The following DENND2B variants were observed in gnomAD, a reference collection of about 807,000 sequenced individuals.
The protein encoded by DENND2B is DENN domain containing 2B.
In DENND2B, 32 loss-of-function variants were observed where a neutral mutation model predicts 116.0. The ratio of observed to expected loss-of-function variants is 0.28; its 90% CI spans 0.21 to 0.37. The LOEUF (loss-of-function observed/expected upper bound fraction) is 0.37. DENND2B is among the 10% of genes least tolerant of loss of function. The pLI is 1.00. For synonymous variants in DENND2B, 588 were observed against 583.9 expected, an observed-to-expected ratio of 1.01 and a Z score of -0.10; for missense variants, 1,276 against 1,477.7, an observed-to-expected ratio of 0.86 and a Z score of 2.24.
In DENND2B at chr11:8,807,234, G is replaced by A. The variant is rs983703036; in HGVS notation, c.-26+3283C>T. ...CAATGACAGTTAACAGCTAAGAGGA[G>A]TGACAGGAAGGAAGATGTATTCTTC... On this transcript the variant is annotated intron_variant, in intron 1 of 19. Coordinates refer to ENST00000313726, the MANE Select transcript of DENND2B (RefSeq NM_213618.2). 2.0e-5 allele frequency among the ~76,000 whole-genome samples: 3 copies of A among 152,222 alleles called. No homozygotes were observed. In the East Asian group the frequency reaches 5.8e-4, roughly 29 times the overall value.
intron 2 of DENND2B, among the ~76,000 whole-genome samples, chr11:8,877,162 G>A (rs541718377): frequency 7.3e-6 from 1 of 137,498 alleles, no homozygotes; most frequent in South Asian, 2.3e-4. Flanking sequence ...GGAGTGCAGT[G>A]GTGCGATCTC....
chr11:8,698,663 G>A (rs557556132), intron 16 of DENND2B, among the ~76,000 whole-genome samples: 37 of 152,318 alleles, frequency 2.4e-4, no homozygotes, highest in African/African-American at 8.4e-4. Flanking sequence ...TGGCTCAAAG[G>A]GGGCAAAGTC....
chr11:8,813,982 AG>A (rs2061482927), upstream of DENND2B, among the ~76,000 whole-genome samples: 3 of 152,190 alleles, frequency 2.0e-5, no homozygotes, highest in Non-Finnish European at 2.9e-5. Flanking sequence ...CTGAAGGATA[AG>A]GATTTGACAA....
intron 2 of DENND2B, among the ~76,000 whole-genome samples, chr11:8,737,504 T>C (rs2133966679): frequency 6.6e-6 from 1 of 151,678 alleles, no homozygotes; most frequent in South Asian, 2.1e-4. Context: ...GGTAGAGAGG[T>C]AGGAAGGGAA....
In DENND2B at chr11:8,702,425, C is replaced by T. The variant is rs2041871512; in HGVS notation, c.2720+147G>A. ...TCCCTCACCCACACAGGGGTGCTAC[C>T]TTTCCACCTAGTCTTCCATCTCCCT... On this transcript the variant is annotated intron_variant, in intron 14 of 19. Transcript: ENST00000313726. This position sits in a 1 kb window ranked among gnomAD's most constrained non-coding sequence, Gnocchi z 4.6. 4 of 1,203,594 alleles carry T rather than the reference C, an allele frequency of 3.3e-6. No homozygotes were observed. Among genetic ancestry groups the T allele is most frequent in the Non-Finnish European group, 3.5e-6 (3 of 869,460 alleles). 74.6% of individuals were successfully genotyped at this position (1,203,594 alleles called of 1,614,324 possible).
chr11:8,776,224 C>G, intron 1 of DENND2B: 1 of 455,796 alleles, frequency 2.2e-6, no homozygotes, highest in Non-Finnish European at 4.4e-6. Flanking sequence ...CTGCTCCAAA[C>G]ATGTCCACGT....
chr11:8,895,770 A>G (rs745411428), intron 1 of DENND2B, among the ~76,000 whole-genome samples: 3 of 152,020 alleles, frequency 2.0e-5, no homozygotes, highest in Admixed American at 6.6e-5. Context: ...TTTATTTTTT[A>G]TTTTTATTTT....
chr11:8,714,666 C>T lies in DENND2B; in HGVS notation c.1886G>A (p.Gly629Glu). The change falls in exon 7 of 20, where the codon GGA (glycine) becomes GAA (glutamate). Residue 629 changes from glycine (G) to glutamate (E), a missense_variant. Physicochemically the swap from Gly to Glu is moderately conservative, Grantham distance 98. Transcript: ENST00000313726. ...RINSIYNAKR[G>E]KKRLKKLSMS... ...AGACAACTTTTTTAATCTCTTCTTT[C>T]CTCTCTTGGCATTGTAGATGGAGTT... 6.2e-7 allele frequency: 1 copy of T among 1,614,220 alleles called. No individual in the cohort carries two copies. Among genetic ancestry groups the T allele is most frequent in the South Asian group, 1.1e-5 (1 of 91,078 alleles).
intron 1 of DENND2B, among the ~76,000 whole-genome samples, chr11:8,778,775 T>C (rs2058031975): frequency 6.6e-6 from 1 of 152,198 alleles, no homozygotes; most frequent in Non-Finnish European, 1.5e-5. Context: ...GAACACCTGA[T>C]TCTGTCACCT....
chr11:8,843,386 A>T (rs1249793073), intron 3 of DENND2B, among the ~76,000 whole-genome samples: 1 of 152,190 alleles, frequency 6.6e-6, no homozygotes, highest in Non-Finnish European at 1.5e-5. Flanking sequence ...TGCAGCACTA[A>T]GCCCAATCAG....
intron 2 of DENND2B, among the ~76,000 whole-genome samples, chr11:8,748,274 G>C (rs2051667018): frequency 6.6e-6 from 1 of 152,126 alleles, no homozygotes; most frequent in East Asian, 1.9e-4. Flanking sequence ...CCTATTGAAA[G>C]GTCAAACTAA....
At position 8,707,754 on chromosome 11, in the gene DENND2B, G is replaced by A. The variant is rs868401485; in HGVS notation, c.2430+23C>T. ...GAGCTGTCAGCTGGGGGACGGGGAG[G>A]GAAGCCTGCCAGAGCCTCTTACCTT... is the stretch of plus-strand genomic sequence containing the variant. On this transcript the variant is annotated intron_variant, in intron 12 of 19. Transcript: ENST00000313726. The surrounding 1 kb of genome is among the most constrained non-coding windows in gnomAD (Gnocchi z 4.8). 1 of 1,592,218 alleles carries A rather than the reference G, an allele frequency of 6.3e-7. No individual in the cohort carries two copies. The highest frequency in any genetic ancestry group is 1.3e-5 in the African/African-American group (1 of 74,844).
chr11:8,755,703 G>T (rs2053490040), intron 1 of DENND2B, among the ~76,000 whole-genome samples: 1 of 152,112 alleles, frequency 6.6e-6, no homozygotes, highest in Admixed American at 6.5e-5. Context: ...GCCCAGGCTG[G>T]TCTCGAACTG....
chr11:8,744,152 G>T (rs1242044682), intron 2 of DENND2B, among the ~76,000 whole-genome samples: 1 of 148,148 alleles, frequency 6.8e-6, no homozygotes, highest in African/African-American at 2.5e-5. Context: ...TTTTTTTGGG[G>T]GACAGAGTTT....
At chr11:8,751,551 C>T (rs2052491698) in intron 1 of DENND2B, among the ~76,000 whole-genome samples, 1 of 152,074 alleles carries the variant, frequency 6.6e-6, no homozygotes, top group African/African-American at 2.4e-5. Flanking sequence ...CACTCCTGAG[C>T]CAGCGAGACC....
chr11:8,833,392 T>C (rs967463222), intron 4 of DENND2B, among the ~76,000 whole-genome samples: 2 of 152,194 alleles, frequency 1.3e-5, no homozygotes, highest in Admixed American at 1.3e-4. Context: ...GTGGATTACA[T>C]CATTAACTGT....
intron 4 of DENND2B, chr11:8,718,914 C>T (rs1392563630): frequency 1.0e-6 from 1 of 988,608 alleles, no homozygotes; most frequent in Non-Finnish European, 1.2e-6. Flanking sequence ...TAGCTCAATC[C>T]TGGTGGCAGA....
chr11:8,843,726 A>T (rs1356927454), intron 3 of DENND2B, among the ~76,000 whole-genome samples: 2 of 152,144 alleles, frequency 1.3e-5, no homozygotes, highest in African/African-American at 4.8e-5. Flanking sequence ...CATCCTGCTC[A>T]TGCCACCCCT....
intron 14 of DENND2B, among the ~76,000 whole-genome samples, chr11:8,701,786 C>A (rs1272213366): frequency 2.0e-5 from 3 of 152,124 alleles, no homozygotes; most frequent in African/African-American, 4.8e-5. Flanking sequence ...GTCCAGTGAC[C>A]ATCACTTCTG....
Sources: allele counts gnomAD v4.1 joint callset (sites outside exome capture counted in the v4.1 genomes callset), GRCh38; gene constraint gnomAD v4.1.1; non-coding constraint Gnocchi (gnomAD v3.1); transcripts MANE v1.5; gene names NCBI Gene and HGNC (gene_info 2026-07-23, HGNC 2026-07-21).